The following GRM1 variants were observed in gnomAD, a reference collection of about 807,000 sequenced individuals.
The protein encoded by GRM1 is metabotropic glutamate receptor 1.
A neutral mutation model predicts 90.9 loss-of-function variants in GRM1; 33 were observed. The ratio of observed to expected loss-of-function variants is 0.36; its 90% CI spans 0.28 to 0.49. The LOEUF is 0.49. Among genes scored for constraint, GRM1 ranks in the 20% least tolerant of loss-of-function variants. The pLI is 0.99. For missense variants in GRM1, 1,190 were observed against 1,534.3 expected, an observed-to-expected ratio of 0.78 and a Z score of 3.75; for synonymous variants, 700 against 613.2, an observed-to-expected ratio of 1.14 and a Z score of -2.09.
Position 146,224,041 on chromosome 6 carries a change from C to A in GRM1, c.950+64444C>A, listed in dbSNP as rs186742109. ...TCATTACTTATGAATAATTTGGGCC[C>A]TCCAGAAATCCAGCTGTGTTCCCAT... On this transcript the variant is annotated intron_variant, in intron 2 of 7. Coordinates refer to ENST00000282753, the MANE Select transcript of GRM1 (RefSeq NM_001278064.2). Among the ~76,000 whole-genome samples the A allele has an allele frequency of 2.0e-3, 309 of 152,090 alleles. 1 individual carries two copies. The highest frequency in any genetic ancestry group is 7.1e-3 in the African/African-American group (295 of 41,512).
chr6:146,351,604 C>A (rs535316316), intron 3 of GRM1, among the ~76,000 whole-genome samples: 4 of 152,188 alleles, frequency 2.6e-5, no homozygotes, highest in South Asian at 4.2e-4. Flanking sequence ...CAGGTAAAAT[C>A]TAAAGGCTAA....
intron 2 of GRM1, among the ~76,000 whole-genome samples, chr6:146,200,455 T>G (rs1422453764): frequency 1.3e-5 from 2 of 152,182 alleles, no homozygotes; most frequent in African/African-American, 4.8e-5. Context: ...CCCCCATACA[T>G]TTTTCCTAGA....
At chr6:146,363,977 C>T (rs1234018269) in intron 5 of GRM1, among the ~76,000 whole-genome samples, 1 of 152,230 alleles carries the variant, frequency 6.6e-6, no homozygotes, top group Non-Finnish European at 1.5e-5. Flanking sequence ...CCTAAAAAGG[C>T]AGGGGAAAAT....
chr6:146,095,947 A>G (rs1343206070), intron 1 of GRM1, among the ~76,000 whole-genome samples: 1 of 152,066 alleles, frequency 6.6e-6, no homozygotes, highest in Non-Finnish European at 1.5e-5. Context: ...TCCATTTCAG[A>G]CATGTTCTAA....
Position 146,102,104 on chromosome 6 carries a change from C to T in GRM1, c.701-57244C>T, listed in dbSNP as rs370300810. Among the ~76,000 whole-genome samples the T allele has an allele frequency of 9.2e-5, 14 of 152,198 alleles. 1 individual carries two copies. The highest frequency in any genetic ancestry group is 3.4e-4 in the African/African-American group (14 of 41,510). On this transcript the variant is annotated intron_variant, in intron 1 of 7. Coordinates refer to ENST00000282753, the MANE Select transcript of GRM1 (RefSeq NM_001278064.2). ...GCCTTAAATCCACAGATCTCGCTCGCCTCTTGTTCTCCTCTAGTCCATCCT... is the reference window on the plus strand; with the variant it reads ...GCCTTAAATCCACAGATCTCGCTCGTCTCTTGTTCTCCTCTAGTCCATCCT...
At chr6:146,404,009 T>C (rs1777245641) in intron 7 of GRM1, among the ~76,000 whole-genome samples, 1 of 152,138 alleles carries the variant, frequency 6.6e-6, no homozygotes, top group African/African-American at 2.4e-5. Flanking sequence ...TTGTTAACTA[T>C]AGTCACTATA....
chr6:146,126,950 G>C (rs755415556), intron 1 of GRM1, among the ~76,000 whole-genome samples: 84 of 152,020 alleles, frequency 5.5e-4, no homozygotes, highest in Non-Finnish European at 6.3e-4. Flanking sequence ...GATTTGGAGA[G>C]CCTTTTAAAA....
At chr6:146,432,667 A>G (rs1054295913) in intron 7 of GRM1, among the ~76,000 whole-genome samples, 38 of 152,230 alleles carry the variant, frequency 2.5e-4, no homozygotes, top group African/African-American at 9.2e-4. Context: ...GAAAAAGCAA[A>G]CTTCTAAAAA....
intron 3 of GRM1, among the ~76,000 whole-genome samples, chr6:146,349,175 T>A (rs1785293786): frequency 6.6e-6 from 1 of 150,570 alleles, no homozygotes. Context: ...CACGCCATTC[T>A]CCTGCCTCAG....
At chr6:146,225,050 T>C (rs1174890211) in intron 2 of GRM1, among the ~76,000 whole-genome samples, 1 of 152,138 alleles carries the variant, frequency 6.6e-6, no homozygotes, top group Non-Finnish European at 1.5e-5. Context: ...TCTTCCAATT[T>C]TTCTCTGCTA....
intron 2 of GRM1, among the ~76,000 whole-genome samples, chr6:146,224,222 C>A (rs902607537): frequency 6.6e-6 from 1 of 152,036 alleles, no homozygotes; most frequent in African/African-American, 2.4e-5. Context: ...CAGAAAATAT[C>A]CATTAAATAT....
At chr6:146,267,738 C>T (rs1412085720) in intron 2 of GRM1, among the ~76,000 whole-genome samples, 1 of 150,886 alleles carries the variant, frequency 6.6e-6, no homozygotes, top group African/African-American at 2.4e-5. Context: ...CTCGTCTCGT[C>T]TCGTCTCGTC....
intron 5 of GRM1, among the ~76,000 whole-genome samples, chr6:146,379,084 A>G (rs935828176): frequency 2.0e-5 from 3 of 152,126 alleles, no homozygotes; most frequent in African/African-American, 7.2e-5. Flanking sequence ...GACTCATACA[A>G]TACCCTTCTT....
At chr6:146,379,663 G>A (rs1235365793) in intron 5 of GRM1, among the ~76,000 whole-genome samples, 9 of 152,138 alleles carry the variant, frequency 5.9e-5, no homozygotes, top group African/African-American at 2.2e-4. Context: ...GGACATTGAA[G>A]ATATAGGTAT....
At chr6:146,111,787 G>T (rs1775569855) in intron 1 of GRM1, among the ~76,000 whole-genome samples, 1 of 152,222 alleles carries the variant, frequency 6.6e-6, no homozygotes, top group Non-Finnish European at 1.5e-5. Flanking sequence ...GCAATAAGAA[G>T]TCAATGAGAA....
Position 146,081,348 on chromosome 6 carries a change from G to A in GRM1, c.700+51131G>A, listed in dbSNP as rs184727628. Among the ~76,000 whole-genome samples, 211 of 152,294 alleles carry A rather than the reference G, an allele frequency of 1.4e-3. 1 individual carries two copies. The highest frequency in any genetic ancestry group is 4.6e-3 in the African/African-American group (193 of 41,560). ...AATAAAATAAAGCAATGTGTTTAGA[G>A]CAGACTGGGTCATGTTTGAGATCTG... On this transcript the variant is annotated intron_variant, in intron 1 of 7. Transcript: ENST00000282753.
chr6:146,253,424 A>G (rs778266928), intron 2 of GRM1, among the ~76,000 whole-genome samples: 1 of 152,066 alleles, frequency 6.6e-6, no homozygotes, highest in African/African-American at 2.4e-5. Context: ...GCTGAATTTT[A>G]TTGTTGATGA....
At chr6:146,051,319 T>A (rs867391373) in intron 1 of GRM1, among the ~76,000 whole-genome samples, 1 of 152,058 alleles carries the variant, frequency 6.6e-6, no homozygotes, top group Non-Finnish European at 1.5e-5. Flanking sequence ...TGGTCTGATA[T>A]TGTGTATCCT....
At chr6:146,192,528 G>GT (rs1375250325) in intron 2 of GRM1, among the ~76,000 whole-genome samples, 3 of 152,162 alleles carry the variant, frequency 2.0e-5, no homozygotes, top group Admixed American at 2.0e-4. Context: ...CCCGATATAT[G>GT]TAAGTATGAA....
Sources: allele counts gnomAD v4.1 joint callset (sites outside exome capture counted in the v4.1 genomes callset), GRCh38; gene constraint gnomAD v4.1.1; transcripts MANE v1.5; gene names NCBI Gene and HGNC (gene_info 2026-07-23, HGNC 2026-07-21).